Variants in UBR4 observed in about 807,000 individuals in gnomAD.
The protein encoded by UBR4 is ubiquitin protein ligase E3 component n-recognin 4, also known as E3 ubiquitin-protein ligase UBR4.
In UBR4, 124 loss-of-function variants were observed where a neutral mutation model predicts 575.6. The observed-to-expected ratio is 0.22, with a 90% CI of 0.19 to 0.25. UBR4 has a LOEUF of 0.25. Among genes scored for constraint, UBR4 ranks in the 10% least tolerant of loss-of-function variants. The probability of loss-of-function intolerance (pLI) is 1.00; values close to 1 mark genes in which losing one functional copy is unlikely to be tolerated. For synonymous variants in UBR4, 2,455 were observed against 2,473.7 expected (o/e 0.99, Z 0.22); for missense variants, 4,818 against 6,478.8 (o/e 0.74, Z 8.80).
intron 17 of UBR4, among the ~76,000 whole-genome samples, chr1:19,181,787 C>T (rs2090988881): frequency 6.6e-6 from 1 of 152,170 alleles, no homozygotes; most frequent in Non-Finnish European, 1.5e-5. Flanking sequence ...TTTTACTTTT[C>T]TTATGTGGTA....
At chr1:19,091,765 T>G (rs1008405540) in intron 97 of UBR4, among the ~76,000 whole-genome samples, 22 of 152,330 alleles carry the variant, frequency 1.4e-4, no homozygotes, top group African/African-American at 5.3e-4. Flanking sequence ...CAGCTTCTTA[T>G]AAACAAAATA....
chr1:19,078,020 G>A lies in UBR4; in HGVS notation c.15280C>T (p.Leu5094Phe), dbSNP rs139767143. Residue 5094 changes from leucine to phenylalanine, a missense_variant, in exon 104 of 106, where the codon CTT (leucine) becomes TTT (phenylalanine). By Grantham distance (22) the Leu-to-Phe change is conservative. Around this residue, in one of 29 missense-constraint regions of UBR4, gnomAD observed 212 missense variants for 221.3 expected, o/e 0.96. Transcript: ENST00000375254. The stretch of plus-strand genomic sequence containing the variant: ...AGATCGACGAGGGCCCAAAAGAGAA[G>A]GGAAGAACGGTAAGCGGAATAGTCC... ...VKDYSAYRSSLLFWALVDLIY... is the reference protein window; with the variant it reads ...VKDYSAYRSSFLFWALVDLIY... The A allele has an allele frequency of 1.2e-5, 19 of 1,614,056 alleles. No homozygotes were observed. In the African/African-American group the frequency reaches 2.4e-4, roughly 20 times the overall value.
chr1:19,195,967 TATACACACACACACACAC>T (rs2151551929), intron 8 of UBR4, among the ~76,000 whole-genome samples: 1 of 104,568 alleles, frequency 9.6e-6, no homozygotes, highest in East Asian at 2.6e-4. Flanking sequence ...CAGACTTACT[TATACACACACACACACAC>T]ACACACACAC....
At chr1:19,120,397 C>T (rs750085091) in intron 68 of UBR4, 49 bp from the exon 69 acceptor site, 1 of 1,595,360 alleles carries the variant, frequency 6.3e-7, no homozygotes, top group Non-Finnish European at 8.6e-7. Context: ...AAGAAGTCCT[C>T]CAGGGTCCTA....
intron 49 of UBR4, among the ~76,000 whole-genome samples, chr1:19,148,856 C>T (rs895331894): frequency 3.3e-5 from 5 of 152,164 alleles, no homozygotes; most frequent in East Asian, 1.9e-4. Context: ...GTTCGTAATC[C>T]GTAACTCAAA....
chr1:19,165,079 A>C, intron 31 of UBR4, 82 bp from the exon 32 acceptor site: 1 of 1,564,048 alleles, frequency 6.4e-7, no homozygotes, highest in Non-Finnish European at 8.7e-7. Context: ...AGCCAGGAAA[A>C]GGGGAAATGG....
Position 19,153,708 on chromosome 1 carries a change from C to T in UBR4, c.6630+60G>A. 1 of 1,560,264 alleles carries T rather than the reference C, an allele frequency of 6.4e-7. No homozygotes were observed. Among genetic ancestry groups the T allele is most frequent in the East Asian group, 2.2e-5 (1 of 44,474 alleles). On this transcript the variant is annotated intron_variant, in intron 45 of 105. Transcript: ENST00000375254. This position sits in a 1 kb window ranked among gnomAD's most constrained non-coding sequence, Gnocchi z 4.1. Reference sequence around the variant, plus strand: ...GAGCTGGGAAAGTGAAATGAATATACAAACATAAAAAGAGACCAGGTTCAC... The same window carrying T: ...GAGCTGGGAAAGTGAAATGAATATATAAACATAAAAAGAGACCAGGTTCAC...
intron 52 of UBR4, 79 bp from the exon 53 acceptor site, chr1:19,146,012 A>C (rs770689690): frequency 6.2e-7 from 1 of 1,608,772 alleles, no homozygotes; most frequent in South Asian, 1.1e-5. Context: ...ACTCAGGTCA[A>C]GGAAGCTTGC....
chr1:19,199,428 A>G (rs2092637377), intron 3 of UBR4, among the ~76,000 whole-genome samples: 1 of 152,246 alleles, frequency 6.6e-6, no homozygotes, highest in African/African-American at 2.4e-5. Flanking sequence ...TTTTGTAAAT[A>G]AAGTTTACTG....
chr1:19,177,490 A>G lies in UBR4; in HGVS notation c.2608T>C (p.Ser870Pro). 1 of 1,614,210 alleles carries G rather than the reference A, an allele frequency of 6.2e-7. No homozygotes were observed. The highest frequency in any genetic ancestry group is 2.2e-5 in the East Asian group (1 of 44,888). ...TCAAATAGATACACAGGGGCTTTGG[A>G]GTACTGATGAAGCAGATAATCAAAG... ...LIFDYLLHQY[S>P]KAPVYLFEQV... The change falls in exon 19 of 106, where the codon TCC becomes CCC. Residue 870 changes from serine to proline, a missense_variant. Transcript: ENST00000375254.
At position 19,210,214 on chromosome 1, in the gene UBR4, G is replaced by C; in HGVS notation, c.35C>G (p.Ala12Gly). 3 of 1,450,280 alleles carry C rather than the reference G, an allele frequency of 2.1e-6. No individual in the cohort carries two copies. Among genetic ancestry groups the C allele is most frequent in the Non-Finnish European group, 2.7e-6 (3 of 1,105,216 alleles). The allele number at this position is 1,450,280 out of a possible 1,614,324, so 89.8% of individuals were successfully genotyped here. A position where few individuals can be genotyped will look rare whatever the true frequency, so the allele number is the denominator to read the frequency against. The change falls in exon 1 of 106, where the codon GCG becomes GGG. Residue 12 changes from alanine to glycine, a missense_variant. Physicochemically the swap from Ala to Gly is moderately conservative, Grantham distance 60. This residue lies in a region of UBR4 where 95 missense variants were observed against 87.7 expected (regional missense o/e 1.08). Transcript: ENST00000375254. The part of the protein sequence containing the change: ...ATSGGEEAAA[A>G]APAPGTPATG... ...TGCCGGGGTCCCCGGCGCCGGAGCC[G>C]CTGCCGCCGCCTCTTCGCCGCCGCT... is the stretch of plus-strand genomic sequence containing the variant.
At chr1:19,195,317 T>C (rs1015156230) in intron 8 of UBR4, among the ~76,000 whole-genome samples, 1 of 148,584 alleles carries the variant, frequency 6.7e-6, no homozygotes, top group Non-Finnish European at 1.5e-5. Flanking sequence ...TTCAAAAAAT[T>C]AAAAATAAAT....
At chr1:19,126,299 T>C (rs765308163) in intron 64 of UBR4, 147 bp downstream of exon 64, 3 of 882,182 alleles carry the variant, frequency 3.4e-6, no homozygotes, top group South Asian at 1.6e-5. Context: ...ATTTATTCAA[T>C]CACGCCGAGA....
Position 19,086,158 on chromosome 1 carries a change from T to C in UBR4, c.14800A>G (p.Thr4934Ala), listed in dbSNP as rs2076993131. 3.1e-6 allele frequency: 5 copies of C among 1,613,878 alleles called. No individual in the cohort carries two copies. Among genetic ancestry groups the C allele is most frequent in the Non-Finnish European group, 4.2e-6 (5 of 1,179,980 alleles). Residue 4934 changes from threonine (T) to alanine (A), a missense_variant, in exon 101 of 106, where the codon ACT becomes GCT. This residue lies in a region of UBR4 where 196 missense variants were observed against 386.8 expected (regional missense o/e 0.51). Coordinates refer to ENST00000375254, the MANE Select transcript of UBR4 (RefSeq NM_020765.3). ...CTCAACACTCACCTTGCCAAGCAAG[T>C]GGCAAAAGCTGATTCAGGGACATGA... ...GPHVPESAFA[T>A]CLARHNTYLQ...
At chr1:19,107,980 C>T (rs2079408864) in intron 81 of UBR4, among the ~76,000 whole-genome samples, 1 of 152,166 alleles carries the variant, frequency 6.6e-6, no homozygotes, top group Admixed American at 6.5e-5. Flanking sequence ...TCTGGATTCT[C>T]ATATCGGTTT....
chr1:19,150,874 G>A, intron 48 of UBR4, 81 bp from the exon 49 acceptor site: 1 of 1,384,256 alleles, frequency 7.2e-7, no homozygotes, highest in Non-Finnish European at 1.0e-6. Context: ...AACAGTTGGA[G>A]CAAAGAAGTA....
intron 11 of UBR4, among the ~76,000 whole-genome samples, chr1:19,188,999 A>T (rs1015084800): frequency 3.3e-5 from 5 of 152,174 alleles, no homozygotes; most frequent in Non-Finnish European, 7.3e-5. Flanking sequence ...TTAAAAAGAA[A>T]ATGACAAATA....
chr1:19,085,985 T>C (rs1236438824), intron 101 of UBR4, among the ~76,000 whole-genome samples, 160 bp downstream of exon 101: 2 of 152,224 alleles, frequency 1.3e-5, no homozygotes, highest in South Asian at 2.1e-4. Flanking sequence ...TCCCCCACCC[T>C]GTATGCTCTG....
intron 60 of UBR4, among the ~76,000 whole-genome samples, chr1:19,135,495 A>AT (rs1187179662): frequency 6.6e-6 from 1 of 152,236 alleles, no homozygotes; most frequent in Admixed American, 6.5e-5. Flanking sequence ...TATCTTCACA[A>AT]TGAGTCTTTC....
Sources: gnomAD v4.1 joint callset for allele counts (sites outside exome capture counted in the v4.1 genomes callset) on GRCh38, gnomAD v4.1.1 for gene constraint, gnomAD v4.1.1 regional missense constraint, Gnocchi (gnomAD v3.1) non-coding constraint, MANE v1.5 for transcripts, NCBI Gene and HGNC (gene_info 2026-07-23, HGNC 2026-07-21) for gene names.